APELA: variants seen among roughly 807,000 people sequenced by gnomAD.
The protein encoded by APELA is apelin receptor early endogenous ligand.
intron 2 of APELA, among the ~76,000 whole-genome samples, chr4:164,892,316 G>A (rs1433257744): frequency 6.6e-6 from 1 of 151,848 alleles, no homozygotes; most frequent in Non-Finnish European, 1.5e-5. Flanking sequence ...GTGTGACCCT[G>A]TCTCAAAAGA....
intron 2 of APELA, among the ~76,000 whole-genome samples, chr4:164,894,336 C>CAA (rs34056903): frequency 1.3e-5 from 2 of 151,186 alleles, no homozygotes; most frequent in African/African-American, 4.9e-5. Context: ...GTTTGATAAG[C>CAA]AAAAAAAATC....
downstream of APELA, among the ~76,000 whole-genome samples, chr4:164,898,455 T>C (rs1438587402): frequency 7.0e-6 from 1 of 143,722 alleles, no homozygotes; most frequent in African/African-American, 2.6e-5. Flanking sequence ...TGAGTCAAGA[T>C]CACGCCATTG....
chr4:164,881,206 G>A (rs1730646794), intron 2 of APELA, among the ~76,000 whole-genome samples: 1 of 152,134 alleles, frequency 6.6e-6, no homozygotes, highest in South Asian at 2.1e-4. Flanking sequence ...TGTAAACCTA[G>A]GTAGTGGACT....
intron 2 of APELA, among the ~76,000 whole-genome samples, chr4:164,891,938 T>C (rs917263287): frequency 3.3e-5 from 5 of 152,176 alleles, no homozygotes; most frequent in African/African-American, 1.2e-4. Context: ...GAAAGTTCTT[T>C]TTCTATTGCA....
At chr4:164,897,774 C>A (rs1731002665), downstream of APELA, among the ~76,000 whole-genome samples, 1 of 152,214 alleles carries the variant, frequency 6.6e-6, no homozygotes. Flanking sequence ...TGCTTGTTGA[C>A]CTACCAGAAC....
chr4:164,886,681 A>G (rs1730777844), intron 2 of APELA, among the ~76,000 whole-genome samples: 2 of 152,162 alleles, frequency 1.3e-5, no homozygotes, highest in South Asian at 2.1e-4. Context: ...CTTAATGATG[A>G]ATATATTTAC....
chr4:164,894,137 A>G (rs958819149), intron 2 of APELA, among the ~76,000 whole-genome samples: 11 of 152,158 alleles, frequency 7.2e-5, no homozygotes, highest in Non-Finnish European at 1.3e-4. Flanking sequence ...AGCCTGGCCA[A>G]CATGGCAAAA....
At chr4:164,884,104 TGAAA>T (rs71602544) in intron 2 of APELA, among the ~76,000 whole-genome samples, 4 of 18,142 alleles carry the variant, frequency 2.2e-4, no homozygotes, top group South Asian at 1.3e-3. Flanking sequence ...AAAGAAAGAA[TGAAA>T]GAAAGAAAGA....
intron 2 of APELA, among the ~76,000 whole-genome samples, chr4:164,890,525 T>C (rs527277451): frequency 2.0e-5 from 3 of 152,338 alleles, no homozygotes; most frequent in South Asian, 2.1e-4. Flanking sequence ...ATTAGCTTTT[T>C]TCACTTAATG....
At chr4:164,898,284 C>G (rs1731014511), downstream of APELA, among the ~76,000 whole-genome samples, 1 of 151,158 alleles carries the variant, frequency 6.6e-6, no homozygotes, top group Non-Finnish European at 1.5e-5. Context: ...GGTGGATCAC[C>G]TGAGGTCAGG....
At position 164,893,985 on chromosome 4, in the gene APELA, A is replaced by T. The variant is rs1288470752; in HGVS notation, c.*2-1431A>T. On this transcript the variant is annotated intron_variant, in intron 2 of 2. Transcript: ENST00000507152. ...ACCGAAAAAAAAAATAATAAAAGGA[A>T]AGAAAAAATAAGAATATTGTGCAGT... is the stretch of plus-strand genomic sequence containing the variant. Among the ~76,000 whole-genome samples the T allele has an allele frequency of 2.0e-5, 3 of 152,056 alleles. No homozygotes were observed. In the East Asian group the frequency reaches 5.8e-4, roughly 29 times the overall value.
At position 164,878,179 on chromosome 4, in the gene APELA, G is replaced by GAAACAGAAA. The variant is rs1261599772; in HGVS notation, c.77-738_77-737insCAGAAAAAA. Among the ~76,000 whole-genome samples, 75 of 133,952 alleles carry GAAACAGAAA rather than the reference G, an allele frequency of 5.6e-4. 1 individual carries two copies. The highest frequency in any genetic ancestry group is 2.0e-3 in the African/African-American group (72 of 35,860). 87.9% of individuals were successfully genotyped at this position (133,952 alleles called of 152,430 possible). On this transcript the variant is annotated intron_variant, in intron 1 of 2. Coordinates refer to ENST00000507152, the MANE Select transcript of APELA (RefSeq NM_001297550.2). Reference sequence around the variant, plus strand: ...AGAGAGAAAAGAAGAGAGAAAGAAAGAAAGAAAGAAACAGAAAAAAGAAAG... The same window carrying GAAACAGAAA: ...AGAGAGAAAAGAAGAGAGAAAGAAAGAAACAGAAAAAAGAAAGAAACAGAAAAAAGAAAG...
chr4:164,895,222 A>C (rs185609628), intron 2 of APELA, among the ~76,000 whole-genome samples, 194 bp from the exon 3 acceptor site: 8 of 152,310 alleles, frequency 5.3e-5, no homozygotes, highest in African/African-American at 1.9e-4. Flanking sequence ...AAAAGTTTAA[A>C]TTCAGCCTTT....
chr4:164,892,243 G>A (rs1277784752), intron 2 of APELA, among the ~76,000 whole-genome samples: 2 of 152,066 alleles, frequency 1.3e-5, no homozygotes, highest in Admixed American at 6.6e-5. Context: ...CTGATCCCAG[G>A]CCAAGGAAGT....
intron 2 of APELA, among the ~76,000 whole-genome samples, chr4:164,883,484 C>CTT (rs758157733): frequency 0.037 from 4,841 of 129,240 alleles, 537 homozygotes; most frequent in African/African-American, 0.13. Flanking sequence ...TCTAGTCTTT[C>CTT]TTTTTCTTTT....
intron 2 of APELA, among the ~76,000 whole-genome samples, chr4:164,882,260 T>C (rs1337376962): frequency 1.3e-5 from 2 of 151,860 alleles, no homozygotes; most frequent in Admixed American, 1.3e-4. Flanking sequence ...TGCACCACCA[T>C]ACTCGGCTAA....
At chr4:164,898,533 T>C (rs1579115712), downstream of APELA, among the ~76,000 whole-genome samples, 2 of 150,140 alleles carry the variant, frequency 1.3e-5, no homozygotes, top group South Asian at 4.2e-4. Flanking sequence ...TTATTTGTAA[T>C]TTCTAACATT....
chr4:164,883,480 CTTTCTT>C (rs1730699326), intron 2 of APELA, among the ~76,000 whole-genome samples: 1 of 133,914 alleles, frequency 7.5e-6, no homozygotes. Flanking sequence ...CCTTTCTAGT[CTTTCTT>C]TTTCTTTTTT....
At chr4:164,898,080 G>A (rs1477774462), downstream of APELA, among the ~76,000 whole-genome samples, 7 of 151,888 alleles carry the variant, frequency 4.6e-5, no homozygotes, top group Non-Finnish European at 7.4e-5. Flanking sequence ...TATTAGAGAC[G>A]GGGGTTCACC....
Sources: gnomAD v4.1 joint callset for allele counts (sites outside exome capture counted in the v4.1 genomes callset) on GRCh38, gnomAD v4.1.1 for gene constraint, MANE v1.5 for transcripts, NCBI Gene and HGNC (gene_info 2026-07-23, HGNC 2026-07-21) for gene names.